PALLD: variants seen among roughly 807,000 people sequenced by gnomAD.
The protein encoded by PALLD is palladin.
In PALLD, 61 loss-of-function variants were observed where a neutral mutation model predicts 123.5. That is an observed-to-expected ratio of 0.49 (90% CI 0.40 to 0.61). The LOEUF is 0.61. Ranked by LOEUF, PALLD falls within the 20% of genes least tolerant of loss-of-function variation. The pLI is 0.00. For missense variants in PALLD, 1,273 were observed against 1,377.0 expected, an observed-to-expected ratio of 0.92 and a Z score of 1.20; for synonymous variants, 465 against 496.4, an observed-to-expected ratio of 0.94 and a Z score of 0.84.
At position 168,869,276 on chromosome 4, in the gene PALLD, T is replaced by C. The variant is rs368574308; in HGVS notation, c.1965-21646T>C. ...ATCTATGTGCAAAACACTGTAATAA[T>C]CAAGAAGATAGAACACATCTGGCTC... On this transcript the variant is annotated intron_variant, in intron 10 of 21. Transcript: ENST00000505667. This position sits in a 1 kb window ranked among gnomAD's most constrained non-coding sequence, Gnocchi z 4.5. Among the ~76,000 whole-genome samples the C allele has an allele frequency of 1.8e-4, 27 of 152,200 alleles. No homozygotes were observed. Among genetic ancestry groups the C allele is most frequent in the Middle Eastern group, 6.8e-3 (2 of 294 alleles).
chr4:168,709,570 GGAAGGAAGGAAGGAAGGA>G (rs1784574993), intron 9 of PALLD, among the ~76,000 whole-genome samples: 5 of 714 alleles, frequency 7.0e-3, no homozygotes, highest in Non-Finnish European at 0.013. Flanking sequence ...AAGGAAGGAA[GGAAGGAAGGAAGGAAGGA>G]AGGGAGGGAG....
chr4:168,588,562 C>T (rs533817883), intron 2 of PALLD, among the ~76,000 whole-genome samples: 84 of 152,086 alleles, frequency 5.5e-4, no homozygotes, highest in African/African-American at 1.7e-3. Context: ...CAGCCACACC[C>T]GGCTAACTTT....
chr4:168,641,915 A>G (rs1328453955), intron 2 of PALLD, among the ~76,000 whole-genome samples: 3 of 152,102 alleles, frequency 2.0e-5, no homozygotes, highest in South Asian at 4.1e-4. Context: ...AAAACCAGAT[A>G]CTCCAGGAGG....
At chr4:168,549,397 A>G (rs1222757034) in intron 2 of PALLD, among the ~76,000 whole-genome samples, 2 of 152,222 alleles carry the variant, frequency 1.3e-5, no homozygotes, top group Admixed American at 6.5e-5. Context: ...ATGTGTTTGT[A>G]CAGCCTCAAG....
chr4:168,602,774 C>T (rs939279792), intron 2 of PALLD, among the ~76,000 whole-genome samples: 4 of 151,964 alleles, frequency 2.6e-5, no homozygotes, highest in Non-Finnish European at 5.9e-5. Context: ...TGAATATATA[C>T]AGAGAGAAAA....
chr4:168,922,706 A>G (rs1761822041), intron 18 of PALLD, among the ~76,000 whole-genome samples: 1 of 152,250 alleles, frequency 6.6e-6, no homozygotes, highest in South Asian at 2.1e-4. Context: ...CAGGTTAGCC[A>G]TGCTTTCAAG....
chr4:168,564,313 T>A (rs1369032437), intron 2 of PALLD, among the ~76,000 whole-genome samples: 1 of 152,232 alleles, frequency 6.6e-6, no homozygotes, highest in Non-Finnish European at 1.5e-5. Flanking sequence ...TCAAGTGAGG[T>A]GACCTATTCT....
At chr4:168,901,863 A>AT (rs1471555625) in intron 14 of PALLD, among the ~76,000 whole-genome samples, 1 of 152,202 alleles carries the variant, frequency 6.6e-6, no homozygotes, top group African/African-American at 2.4e-5. Context: ...CATCTAAAAA[A>AT]AGAAAGTCAA....
intron 10 of PALLD, among the ~76,000 whole-genome samples, chr4:168,848,573 T>A (rs1186229893): frequency 1.3e-5 from 2 of 152,072 alleles, no homozygotes; most frequent in Non-Finnish European, 2.9e-5. Flanking sequence ...GAGACACTAT[T>A]AAAAGCAAAA....
intron 10 of PALLD, chr4:168,832,986 C>G (rs1391195411): frequency 1.3e-5 from 2 of 152,264 alleles, no homozygotes; most frequent in Admixed American, 6.5e-5. Context: ...GCCGGGCCAA[C>G]AAGGGAGGGT....
chr4:168,521,856 C>A (rs1174055277), intron 2 of PALLD, among the ~76,000 whole-genome samples: 1 of 152,204 alleles, frequency 6.6e-6, no homozygotes, highest in East Asian at 1.9e-4. Context: ...TTCCCTTGGT[C>A]TCTGTATAAC....
chr4:168,678,782 TG>T (rs1284808722), intron 3 of PALLD, among the ~76,000 whole-genome samples: 1 of 151,716 alleles, frequency 6.6e-6, no homozygotes, highest in Non-Finnish European at 1.5e-5. Flanking sequence ...TATGTGTGTG[TG>T]TGTGTGTGGT....
chr4:168,777,548 C>G (rs1041914178), intron 10 of PALLD, among the ~76,000 whole-genome samples: 4 of 152,310 alleles, frequency 2.6e-5, no homozygotes, highest in Admixed American at 2.0e-4. Context: ...CACATAGACT[C>G]AGAATATCAG....
chr4:168,729,691 T>C (rs1223659879), intron 10 of PALLD, among the ~76,000 whole-genome samples: 1 of 152,162 alleles, frequency 6.6e-6, no homozygotes, highest in Non-Finnish European at 1.5e-5. Context: ...CTAAGTGCCA[T>C]ATATTTCACT....
chr4:168,741,768 ACCTAGAACATGAGTG>A (rs1167207262), intron 10 of PALLD, among the ~76,000 whole-genome samples: 1 of 152,210 alleles, frequency 6.6e-6, no homozygotes, highest in African/African-American at 2.4e-5. Context: ...TCCTGCAAAG[ACCTAGAACATGAGTG>A]CCTCTTCTGA....
chr4:168,717,237 C>T (rs999482553), intron 10 of PALLD, among the ~76,000 whole-genome samples: 71 of 152,024 alleles, frequency 4.7e-4, no homozygotes, highest in Admixed American at 4.0e-3. Flanking sequence ...AGATGCTCAA[C>T]GATGTTTTTT....
At chr4:168,613,034 C>T (rs147668574) in intron 2 of PALLD, among the ~76,000 whole-genome samples, 69 of 152,326 alleles carry the variant, frequency 4.5e-4, no homozygotes, top group South Asian at 8.3e-4. Flanking sequence ...CCCCCATCAA[C>T]TTCCTTCAGT....
chr4:168,668,257 C>A lies in PALLD; in HGVS notation c.976C>A (p.Leu326Ile). The A allele has an allele frequency of 1.9e-6, 3 of 1,614,056 alleles. No homozygotes were observed. Among genetic ancestry groups the A allele is most frequent in the Non-Finnish European group, 2.5e-6 (3 of 1,179,924 alleles). Residue 326 changes from leucine (L) to isoleucine (I), a missense_variant, in exon 3 of 22, where the codon CTC becomes ATC. Leu to Ile is a conservative substitution (Grantham distance 5). Transcript: ENST00000505667. ...TCAAATCCACTGTGAGGGAGGGGAC[C>A]TCCATACCCTGATCATAGCAGAGGC... The part of the protein sequence containing the change: ...DIQIHCEGGD[L>I]HTLIIAEAFE...
chr4:168,517,445 A>G (rs375949727), intron 2 of PALLD, among the ~76,000 whole-genome samples: 10 of 152,266 alleles, frequency 6.6e-5, no homozygotes, highest in South Asian at 4.1e-4. Context: ...AAGTAATACA[A>G]TTATTTCTTT....
Sources: gnomAD v4.1 joint callset for allele counts (sites outside exome capture counted in the v4.1 genomes callset) on GRCh38, gnomAD v4.1.1 for gene constraint, Gnocchi (gnomAD v3.1) non-coding constraint, MANE v1.5 for transcripts, NCBI Gene and HGNC (gene_info 2026-07-23, HGNC 2026-07-21) for gene names.